The following PTPRD variants were observed in gnomAD, a reference collection of about 807,000 sequenced individuals.
The protein encoded by PTPRD is receptor-type tyrosine-protein phosphatase delta.
A neutral mutation model predicts 214.5 loss-of-function variants in PTPRD; 34 were observed. That is an observed-to-expected ratio of 0.16 (90% CI 0.12 to 0.21). PTPRD has a LOEUF of 0.21. Among genes scored for constraint, PTPRD ranks in the 10% least tolerant of loss-of-function variants. The pLI is 1.00. For synonymous variants in PTPRD, 1,128 were observed against 845.7 expected, an observed-to-expected ratio of 1.33 and a Z score of -5.79; for missense variants, 2,545 against 2,398.7, an observed-to-expected ratio of 1.06 and a Z score of -1.27.
chr9:9,190,199 G>A (rs73388804), intron 9 of PTPRD, among the ~76,000 whole-genome samples: 13,200 of 152,032 alleles, frequency 0.087, 686 homozygotes, highest in African/African-American at 0.14. Context: ...TTTAATTGTG[G>A]GAGTTGGTTA....
At chr9:10,563,260 GA>G (rs1159153360) in intron 2 of PTPRD, among the ~76,000 whole-genome samples, 1 of 152,172 alleles carries the variant, frequency 6.6e-6, no homozygotes, top group Non-Finnish European at 1.5e-5. Flanking sequence ...CCAGCTGGCA[GA>G]AAGGAATCCT....
chr9:9,525,538 T>G (rs1194629387), intron 8 of PTPRD, among the ~76,000 whole-genome samples: 1 of 152,164 alleles, frequency 6.6e-6, no homozygotes, highest in East Asian at 1.9e-4. Context: ...TTGAGAGGAA[T>G]AAATTATTAA....
chr9:9,120,177 G>A (rs533326450), intron 10 of PTPRD, among the ~76,000 whole-genome samples: 1 of 152,178 alleles, frequency 6.6e-6, no homozygotes, highest in Non-Finnish European at 1.5e-5. Context: ...CATCTTGAAG[G>A]CTTTTGGAAG....
At chr9:9,723,840 G>C (rs2098020000) in intron 7 of PTPRD, among the ~76,000 whole-genome samples, 2 of 151,874 alleles carry the variant, frequency 1.3e-5, no homozygotes, top group South Asian at 4.2e-4. Flanking sequence ...AAATATCATT[G>C]GTTTGTAAAG....
chr9:9,335,663 T>C (rs2044150995), intron 9 of PTPRD, among the ~76,000 whole-genome samples: 2 of 152,108 alleles, frequency 1.3e-5, no homozygotes, highest in Non-Finnish European at 1.5e-5. Flanking sequence ...CAATCACATA[T>C]TCATTGTTTC....
chr9:10,366,832 G>A (rs542374227), intron 2 of PTPRD, among the ~76,000 whole-genome samples: 3 of 152,204 alleles, frequency 2.0e-5, no homozygotes, highest in Admixed American at 2.0e-4. Flanking sequence ...TGGCAAAACT[G>A]ACTTTGTGAA....
At chr9:9,979,916 T>C (rs1486601175) in intron 4 of PTPRD, among the ~76,000 whole-genome samples, 1 of 152,182 alleles carries the variant, frequency 6.6e-6, no homozygotes, top group African/African-American at 2.4e-5. Context: ...ATAAATTGTC[T>C]TGAAAAAATC....
chr9:9,959,100 A>C (rs772109037), intron 4 of PTPRD, among the ~76,000 whole-genome samples: 1 of 152,176 alleles, frequency 6.6e-6, no homozygotes, highest in Non-Finnish European at 1.5e-5. Context: ...GAAGCAACCA[A>C]GATGTTCAAC....
intron 2 of PTPRD, among the ~76,000 whole-genome samples, chr9:10,390,435 A>G (rs2098035275): frequency 6.6e-6 from 1 of 151,818 alleles, no homozygotes; most frequent in African/African-American, 2.4e-5. Context: ...CGGTAAAGGC[A>G]GTTGAAATGC....
intron 7 of PTPRD, among the ~76,000 whole-genome samples, chr9:9,716,023 T>C (rs2097820609): frequency 6.8e-6 from 1 of 147,010 alleles, no homozygotes; most frequent in South Asian, 2.2e-4. Flanking sequence ...CCCACAACAG[T>C]CCCCAGAGTG....
At chr9:9,185,307 G>C (rs899593373) in intron 9 of PTPRD, among the ~76,000 whole-genome samples, 1 of 152,036 alleles carries the variant, frequency 6.6e-6, no homozygotes, top group African/African-American at 2.4e-5. Flanking sequence ...TCAAATCTCA[G>C]TCAGCATGCC....
At chr9:9,347,787 T>G (rs1476575231) in intron 9 of PTPRD, among the ~76,000 whole-genome samples, 2 of 152,156 alleles carry the variant, frequency 1.3e-5, no homozygotes, top group Non-Finnish European at 2.9e-5. Context: ...AAGCAGTGTT[T>G]GTTGAAATTC....
intron 2 of PTPRD, among the ~76,000 whole-genome samples, chr9:10,453,909 T>C (rs1223422035): frequency 6.6e-6 from 1 of 151,674 alleles, no homozygotes; most frequent in East Asian, 1.9e-4. Context: ...CATTTCACCA[T>C]TGAGCGTGAG....
At chr9:10,561,324 T>C (rs1272736808) in intron 2 of PTPRD, among the ~76,000 whole-genome samples, 1 of 152,174 alleles carries the variant, frequency 6.6e-6, no homozygotes, top group Non-Finnish European at 1.5e-5. Context: ...ATATTTAAGA[T>C]ATGGTAGCAA....
At chr9:9,601,153 G>GTGTGTGTGTGT (rs200355226) in intron 7 of PTPRD, among the ~76,000 whole-genome samples, 1 of 94,026 alleles carries the variant, frequency 1.1e-5, no homozygotes, top group African/African-American at 3.8e-5. Flanking sequence ...GTGTGTGTAT[G>GTGTGTGTGTGT]GGGGGGGGAG....
intron 31 of PTPRD, among the ~76,000 whole-genome samples, chr9:8,469,268 T>C (rs891135128): frequency 6.6e-6 from 1 of 152,076 alleles, no homozygotes; most frequent in Non-Finnish European, 1.5e-5. Flanking sequence ...GGTTAAAACC[T>C]GGCTACAAAA....
chr9:9,761,466 A>C (rs1353020678), intron 6 of PTPRD, among the ~76,000 whole-genome samples: 2 of 152,160 alleles, frequency 1.3e-5, no homozygotes, highest in African/African-American at 4.8e-5. Flanking sequence ...GGAACTATTC[A>C]ATGTCTTGAC....
At chr9:10,380,484 C>G (rs1762681591) in intron 2 of PTPRD, among the ~76,000 whole-genome samples, 1 of 152,000 alleles carries the variant, frequency 6.6e-6, no homozygotes, top group Non-Finnish European at 1.5e-5. Flanking sequence ...TAGCAGGCCT[C>G]TAAAAACGAA....
chr9:10,452,809 G>C (rs1008759454), intron 2 of PTPRD, among the ~76,000 whole-genome samples: 2 of 151,506 alleles, frequency 1.3e-5, no homozygotes, highest in Non-Finnish European at 3.0e-5. Flanking sequence ...TTCCATTGTT[G>C]TGCATAAGGA....
Sources: allele counts gnomAD v4.1 joint callset (sites outside exome capture counted in the v4.1 genomes callset), GRCh38; gene constraint gnomAD v4.1.1; transcripts MANE v1.5; gene names NCBI Gene and HGNC (gene_info 2026-07-23, HGNC 2026-07-21).